The following QKI variants were observed in gnomAD, a reference collection of about 807,000 sequenced individuals.
QKI encodes QKI, KH domain containing RNA binding.
A neutral mutation model predicts 39.0 loss-of-function variants in QKI; 10 were observed. The ratio of observed to expected loss-of-function variants is 0.26; its 90% CI spans 0.16 to 0.43. The LOEUF is 0.43. Among genes scored for constraint, QKI ranks in the 20% least tolerant of loss-of-function variants. The pLI is 1.00. For missense variants in QKI, 218 were observed against 428.0 expected (o/e 0.51, Z 4.33); for synonymous variants, 204 against 155.4 (o/e 1.31, Z -2.33).
intron 3 of QKI, among the ~76,000 whole-genome samples, chr6:163,484,608 G>A (rs1793330226): frequency 6.6e-6 from 1 of 152,146 alleles, no homozygotes; most frequent in South Asian, 2.1e-4. Flanking sequence ...GAATCAGCCT[G>A]TCTTTGGAAG....
At chr6:163,497,567 T>G (rs578037194) in intron 3 of QKI, among the ~76,000 whole-genome samples, 17 of 152,154 alleles carry the variant, frequency 1.1e-4, no homozygotes, top group Middle Eastern at 3.4e-3. Context: ...AGGCAATTAG[T>G]TCTATTTTAT....
intron 2 of QKI, among the ~76,000 whole-genome samples, chr6:163,472,139 G>T (rs1040260577): frequency 6.6e-6 from 1 of 152,068 alleles, no homozygotes; most frequent in Non-Finnish European, 1.5e-5. Flanking sequence ...CTGTCGACTG[G>T]AAGCCTTACC....
At chr6:163,550,060 A>G (rs1379354191) in intron 4 of QKI, among the ~76,000 whole-genome samples, 1 of 152,228 alleles carries the variant, frequency 6.6e-6, no homozygotes, top group East Asian at 1.9e-4. Context: ...GAGAGTTTCA[A>G]ACTCACAGTG....
intron 3 of QKI, among the ~76,000 whole-genome samples, chr6:163,493,975 C>T (rs150338818): frequency 6.6e-6 from 1 of 151,922 alleles, no homozygotes; most frequent in East Asian, 1.9e-4. Context: ...TTTTCATCCT[C>T]ATTTTGAAAA....
At chr6:163,442,268 TATA>T (rs1197252376) in intron 1 of QKI, among the ~76,000 whole-genome samples, 1 of 152,234 alleles carries the variant, frequency 6.6e-6, no homozygotes, top group Non-Finnish European at 1.5e-5. Context: ...TTGGTTAATA[TATA>T]ATAAGTTTAC....
chr6:163,554,388 T>A (rs1055393099), intron 4 of QKI, among the ~76,000 whole-genome samples: 2 of 152,182 alleles, frequency 1.3e-5, no homozygotes, highest in Admixed American at 6.5e-5. Context: ...GTAGTAGTTG[T>A]AGAGCCCTAC....
chr6:163,527,236 G>A (rs1485031194), intron 3 of QKI, among the ~76,000 whole-genome samples: 1 of 152,160 alleles, frequency 6.6e-6, no homozygotes, highest in African/African-American at 2.4e-5. Flanking sequence ...TTATAACTGA[G>A]TCAGTGAGGA....
At position 163,572,186 on chromosome 6, in the gene QKI, A is replaced by G. The variant is rs1261170998; in HGVS notation, c.*1476A>G. On this transcript the variant is annotated 3_prime_UTR_variant, in exon 8 of 8. Transcript: ENST00000361752. Reference sequence around the variant, plus strand: ...TAACCCAAAGGATTCTGAGATAAAAATTATGTGTCATCTAAACTTCAGTTT... The same window carrying G: ...TAACCCAAAGGATTCTGAGATAAAAGTTATGTGTCATCTAAACTTCAGTTT... The G allele has an allele frequency of 1.3e-5, 2 of 152,240 alleles. No homozygotes were observed. The highest frequency in any genetic ancestry group is 2.4e-5 in the African/African-American group (1 of 41,464). The allele number at this position is 152,240 out of a possible 1,614,324, so 9.4% of individuals were successfully genotyped here.
intron 4 of QKI, among the ~76,000 whole-genome samples, chr6:163,559,216 T>A (rs1782840170): frequency 6.6e-6 from 1 of 152,250 alleles, no homozygotes; most frequent in South Asian, 2.1e-4. Flanking sequence ...TTATTTCCTC[T>A]TTGTTGGAAG....
chr6:163,488,990 T>TTA (rs59737278), intron 3 of QKI, among the ~76,000 whole-genome samples: 4 of 149,406 alleles, frequency 2.7e-5, no homozygotes, highest in Non-Finnish European at 4.4e-5. Flanking sequence ...TTTTTTTTTT[T>TTA]AAACATAAAC....
chr6:163,555,862 TACTA>T (rs796318652), intron 4 of QKI, among the ~76,000 whole-genome samples: 11 of 152,310 alleles, frequency 7.2e-5, no homozygotes, highest in Admixed American at 2.0e-4. Flanking sequence ...GATCTAAAAA[TACTA>T]AATAAACATG....
At chr6:163,474,588 A>G (rs1362563703) in intron 2 of QKI, among the ~76,000 whole-genome samples, 1 of 152,034 alleles carries the variant, frequency 6.6e-6, no homozygotes, top group African/African-American at 2.4e-5. Context: ...AATCTTAACA[A>G]CAACAAAAGT....
chr6:163,419,134 C>G (rs1475952504), intron 1 of QKI, among the ~76,000 whole-genome samples: 3 of 151,998 alleles, frequency 2.0e-5, no homozygotes, highest in Non-Finnish European at 4.4e-5. Flanking sequence ...AGTAAACTTT[C>G]TGTCTGACCT....
intron 3 of QKI, among the ~76,000 whole-genome samples, chr6:163,515,073 CAA>C (rs541396479): frequency 2.0e-5 from 3 of 152,040 alleles, no homozygotes; most frequent in Non-Finnish European, 4.4e-5. Context: ...TAAAAATGAA[CAA>C]AGTGTGTGAA....
At chr6:163,462,313 T>C (rs1490960434) in intron 2 of QKI, among the ~76,000 whole-genome samples, 1 of 152,154 alleles carries the variant, frequency 6.6e-6, no homozygotes, top group African/African-American at 2.4e-5. Flanking sequence ...AGCTTACAAA[T>C]AAATTGGGGA....
intron 2 of QKI, among the ~76,000 whole-genome samples, chr6:163,470,629 T>C (rs961950853): frequency 1.3e-5 from 2 of 152,110 alleles, no homozygotes; most frequent in African/African-American, 4.8e-5. Context: ...GATTTTAGAA[T>C]TTCAGACCCA....
chr6:163,519,485 A>G (rs1780022300), intron 3 of QKI, among the ~76,000 whole-genome samples: 1 of 151,916 alleles, frequency 6.6e-6, no homozygotes, highest in Admixed American at 6.6e-5. Flanking sequence ...GTCAGATTTG[A>G]GTTCAGGTTC....
intron 6 of QKI, chr6:163,564,404 A>G: frequency 7.5e-7 from 1 of 1,340,604 alleles, no homozygotes; most frequent in South Asian, 1.7e-5. Context: ...TCCGTTGTTG[A>G]CCAAAATGTT....
chr6:163,543,185 T>C (rs920570952), intron 4 of QKI, among the ~76,000 whole-genome samples: 3 of 152,118 alleles, frequency 2.0e-5, no homozygotes, highest in African/African-American at 7.2e-5. Flanking sequence ...AAATTGTTAA[T>C]GAGTTGATGG....
Sources: gnomAD v4.1 joint callset for allele counts (sites outside exome capture counted in the v4.1 genomes callset) on GRCh38, gnomAD v4.1.1 for gene constraint, MANE v1.5 for transcripts, NCBI Gene and HGNC (gene_info 2026-07-23, HGNC 2026-07-21) for gene names.